PMF1: variants seen among roughly 807,000 people sequenced by gnomAD.
PMF1 encodes the protein polyamine-modulated factor 1.
In PMF1, 21 loss-of-function variants were observed where a neutral mutation model predicts 26.7. The observed-to-expected ratio is 0.79, with a 90% CI of 0.56 to 1.13. The LOEUF (loss-of-function observed/expected upper bound fraction) is 1.13. Ranked by LOEUF, PMF1 falls within the 50% of genes most tolerant of loss-of-function variation. The probability of loss-of-function intolerance (pLI) is 0.00; values close to 1 mark genes in which losing one functional copy is unlikely to be tolerated. For synonymous variants in PMF1, 105 were observed against 101.0 expected (o/e 1.04, Z -0.24); for missense variants, 266 against 254.9 (o/e 1.04, Z -0.30).
At chr1:156,216,702 G>A (rs1396722662) in intron 1 of PMF1, among the ~76,000 whole-genome samples, 1 of 151,750 alleles carries the variant, frequency 6.6e-6, no homozygotes, top group East Asian at 1.9e-4. Context: ...CGCTGCGGGC[G>A]CCCGGGGCGG....
At chr1:156,230,990 C>T (rs546353410) in intron 1 of PMF1, among the ~76,000 whole-genome samples, 21 of 151,924 alleles carry the variant, frequency 1.4e-4, no homozygotes, top group African/African-American at 3.9e-4. Context: ...CCGAGATGGG[C>T]GGATCACGAG....
At chr1:156,218,273 T>C (rs1329554486) in intron 1 of PMF1, among the ~76,000 whole-genome samples, 2 of 152,214 alleles carry the variant, frequency 1.3e-5, no homozygotes, top group South Asian at 2.1e-4. Flanking sequence ...GAAGGAAATA[T>C]CTATTGGGTG....
At chr1:156,215,983 T>A (rs192511660) in intron 1 of PMF1, among the ~76,000 whole-genome samples, 3 of 152,246 alleles carry the variant, frequency 2.0e-5, no homozygotes, top group Admixed American at 2.0e-4. Context: ...CCATTGACAG[T>A]GTCAATAAAT....
chr1:156,225,648 A>G (rs1469898820), intron 1 of PMF1: 1 of 1,559,666 alleles, frequency 6.4e-7, no homozygotes, highest in Non-Finnish European at 8.7e-7. Flanking sequence ...GGCGGCGTGC[A>G]GGTTACCACA....
intron 2 of PMF1, among the ~76,000 whole-genome samples, chr1:156,233,185 A>G (rs1364506760): frequency 1.3e-5 from 2 of 151,954 alleles, no homozygotes; most frequent in Admixed American, 1.3e-4. Context: ...GCAGAGTCTC[A>G]TTCTGTTGCC....
Position 156,236,376 on chromosome 1 carries a change from C to A in PMF1, c.457C>A (p.Gln153Lys). The A allele has an allele frequency of 6.2e-7, 1 of 1,614,240 alleles. No individual in the cohort carries two copies. The highest frequency in any genetic ancestry group is 8.5e-7 in the Non-Finnish European group (1 of 1,180,042). ...QQRDTLRRHV[Q>K]KQEAENQQLA... is the part of the protein sequence containing the mutation. ...ACGGGACACCCTGCGGCGCCATGTG[C>A]AGAAACAGGAGGCCGAGAACCAGCA... The change falls in exon 4 of 5, where the codon CAG becomes AAG. Residue 153 changes from glutamine (Q) to lysine (K), a missense_variant. By Grantham distance (53) the Gln-to-Lys change is moderately conservative. Transcript: ENST00000368277.
At chr1:156,228,256 A>AGTTTTTTT in intron 1 of PMF1, among the ~76,000 whole-genome samples, 4 of 33,564 alleles carry the variant, frequency 1.2e-4, no homozygotes, top group Admixed American at 4.5e-4. Context: ...GCACCTGGCG[A>AGTTTTTTT]TTTTTTTTTT....
intron 1 of PMF1, among the ~76,000 whole-genome samples, chr1:156,231,916 A>G (rs973434646): frequency 6.6e-5 from 10 of 152,120 alleles, no homozygotes; most frequent in African/African-American, 2.2e-4. Context: ...GGAGTAAGCC[A>G]ATCTCTCCCA....
At chr1:156,223,206 TCCA>T (rs1658179155) in intron 1 of PMF1, 1 of 152,254 alleles carries the variant, frequency 6.6e-6, no homozygotes, top group African/African-American at 2.4e-5. Flanking sequence ...TTCCAGACCA[TCCA>T]CCTCTTTCTG....
intron 3 of PMF1, among the ~76,000 whole-genome samples, chr1:156,235,928 C>G (rs946467867): frequency 1.3e-5 from 2 of 152,104 alleles, no homozygotes; most frequent in Admixed American, 1.3e-4. Flanking sequence ...ATGCACCAGC[C>G]GGGCACATGG....
intron 1 of PMF1, among the ~76,000 whole-genome samples, chr1:156,226,821 T>G (rs1185994396): frequency 6.6e-6 from 1 of 152,202 alleles, no homozygotes; most frequent in Non-Finnish European, 1.5e-5. Context: ...AGGTAGTCTG[T>G]CCAGAGAACC....
intron 1 of PMF1, among the ~76,000 whole-genome samples, chr1:156,220,244 G>A (rs562190175): frequency 1.1e-4 from 16 of 151,960 alleles, no homozygotes; most frequent in African/African-American, 3.6e-4. Context: ...GATTACAGGC[G>A]TGAGCCACCA....
intron 1 of PMF1, 79 bp from the exon 2 acceptor site, chr1:156,232,241 G>T: frequency 2.3e-6 from 3 of 1,287,276 alleles, no homozygotes; most frequent in Non-Finnish European, 3.4e-6. Flanking sequence ...CCTGTAATGC[G>T]AAGCGGAGGT....
At chr1:156,230,735 A>C (rs943292949) in intron 1 of PMF1, among the ~76,000 whole-genome samples, 4 of 152,128 alleles carry the variant, frequency 2.6e-5, no homozygotes, top group Admixed American at 1.3e-4. Context: ...ATCAGTGAGG[A>C]GCTCTCAGCT....
chr1:156,235,279 A>G (rs1311176550), intron 3 of PMF1, among the ~76,000 whole-genome samples: 1 of 148,488 alleles, frequency 6.7e-6, no homozygotes, highest in Non-Finnish European at 1.5e-5. Context: ...GCCCGCCACC[A>G]CACCTGGCTA....
At chr1:156,217,580 A>T (rs11801687) in intron 1 of PMF1, among the ~76,000 whole-genome samples, 6,090 of 151,942 alleles carry the variant, frequency 0.04, 429 homozygotes, top group African/African-American at 0.14. Context: ...ACAAAAATTA[A>T]CCGGGTGTCA....
intron 1 of PMF1, among the ~76,000 whole-genome samples, chr1:156,215,175 C>T (rs368632364): frequency 1.2e-3 from 186 of 152,086 alleles, no homozygotes; most frequent in Non-Finnish European, 4.4e-4. Flanking sequence ...TGCACCCAGG[C>T]GGAACCACCT....
intron 4 of PMF1, 107 bp downstream of exon 4, chr1:156,236,590 A>G: frequency 1.4e-6 from 2 of 1,400,176 alleles, no homozygotes; most frequent in Non-Finnish European, 1.9e-6. Context: ...CACAGGGGGT[A>G]GGAGAGCTTG....
chr1:156,225,413 A>G, intron 1 of PMF1: 1 of 572,276 alleles, frequency 1.7e-6, no homozygotes, highest in Non-Finnish European at 3.2e-6. Flanking sequence ...AGCAGTGTAC[A>G]CTATACCCAG....
Sources: gnomAD v4.1 joint callset for allele counts (sites outside exome capture counted in the v4.1 genomes callset) on GRCh38, gnomAD v4.1.1 for gene constraint, MANE v1.5 for transcripts, NCBI Gene and HGNC (gene_info 2026-07-23, HGNC 2026-07-21) for gene names.